ATP9B: variants seen among roughly 807,000 people sequenced by gnomAD.
ATP9B encodes ATPase phospholipid transporting 9B, also known as probable phospholipid-transporting ATPase IIB.
ATP9B carries 110 observed loss-of-function variants against 146.1 expected under a neutral mutation model. That is an observed-to-expected ratio of 0.75 (90% confidence interval 0.65 to 0.88). The LOEUF (loss-of-function observed/expected upper bound fraction) is 0.88. Among genes scored for constraint, ATP9B ranks in the 40% least tolerant of loss-of-function variants. ATP9B has a pLI of 0.00. For synonymous variants in ATP9B, 604 were observed against 569.7 expected (o/e 1.06, Z -0.86); for missense variants, 1,499 against 1,496.4 (o/e 1.00, Z -0.03).
chr18:79,092,679 AAC>A (rs2074440899), intron 1 of ATP9B, among the ~76,000 whole-genome samples: 1 of 150,224 alleles, frequency 6.7e-6, no homozygotes, highest in Admixed American at 6.6e-5. Context: ...CGGAAACAAA[AAC>A]ACACATATTA....
chr18:79,308,318 C>T (rs2096630417), intron 15 of ATP9B, among the ~76,000 whole-genome samples: 1 of 152,060 alleles, frequency 6.6e-6, no homozygotes, highest in Non-Finnish European at 1.5e-5. Context: ...ATGCCCCGCC[C>T]GAGAGACATG....
At chr18:79,320,782 A>G (rs1467083932) in intron 15 of ATP9B, among the ~76,000 whole-genome samples, 2 of 99,238 alleles carry the variant, frequency 2.0e-5, no homozygotes, top group East Asian at 1.7e-3. Flanking sequence ...GGGAGCTTAC[A>G]TACTAGGAAA....
chr18:79,372,570 C>T (rs773175628), intron 26 of ATP9B: 15 of 626,014 alleles, frequency 2.4e-5, no homozygotes, highest in African/African-American at 1.1e-4. Context: ...GCCAACAAGA[C>T]GGCAGGTCAA....
intron 4 of ATP9B, among the ~76,000 whole-genome samples, chr18:79,120,892 C>T (rs904545299): frequency 2.6e-5 from 4 of 152,128 alleles, no homozygotes; most frequent in Non-Finnish European, 4.4e-5. Flanking sequence ...ACTCTTTTCT[C>T]GTGTGCGTGT....
chr18:79,274,568 T>C (rs1359681363), intron 12 of ATP9B, among the ~76,000 whole-genome samples: 1 of 152,192 alleles, frequency 6.6e-6, no homozygotes, highest in African/African-American at 2.4e-5. Flanking sequence ...TGTGGTATTA[T>C]ATGCAACCTG....
chr18:79,138,790 AC>A (rs1047032814), intron 5 of ATP9B, among the ~76,000 whole-genome samples: 3 of 149,714 alleles, frequency 2.0e-5, no homozygotes, highest in African/African-American at 4.9e-5. Flanking sequence ...AAAAAAAAAA[AC>A]CAGTATTGGC....
At position 79,157,791 on chromosome 18, in the gene ATP9B, C is replaced by T. The variant is rs187895608; in HGVS notation, c.778+3236C>T. Reference sequence around the variant, plus strand: ...TTATCTAGGTTATCTAATCTGCGGCCGTGCAGTTGTTTTTAGGATTTCCTT... The same window carrying T: ...TTATCTAGGTTATCTAATCTGCGGCTGTGCAGTTGTTTTTAGGATTTCCTT... On this transcript the variant is annotated intron_variant, in intron 7 of 29. Transcript: ENST00000426216. Among the ~76,000 whole-genome samples the T allele has an allele frequency of 3.5e-4, 54 of 152,240 alleles. No individual in the cohort carries two copies. The East Asian group carries it at 9.5e-3, about 27-fold the overall frequency.
At chr18:79,151,401 T>C (rs2094686509) in intron 6 of ATP9B, among the ~76,000 whole-genome samples, 1 of 152,166 alleles carries the variant, frequency 6.6e-6, no homozygotes, top group South Asian at 2.1e-4. Flanking sequence ...TACCCACCCA[T>C]TTGGGTGTTA....
intron 11 of ATP9B, among the ~76,000 whole-genome samples, chr18:79,246,728 C>G (rs1297669390): frequency 1.3e-5 from 2 of 152,216 alleles, no homozygotes; most frequent in East Asian, 3.9e-4. Context: ...CCGCGCTCCC[C>G]GCGCTCCCTG....
intron 14 of ATP9B, among the ~76,000 whole-genome samples, chr18:79,305,881 T>C (rs1045118522): frequency 6.6e-6 from 1 of 152,236 alleles, no homozygotes; most frequent in Non-Finnish European, 1.5e-5. Flanking sequence ...ACAGATCTTT[T>C]ATAACCTGAT....
intron 12 of ATP9B, among the ~76,000 whole-genome samples, chr18:79,256,761 G>A (rs915070385): frequency 2.0e-5 from 3 of 151,910 alleles, no homozygotes; most frequent in Admixed American, 2.0e-4. Flanking sequence ...CTTTCATTTT[G>A]CTGTCCTGTT....
chr18:79,200,423 A>G (rs569445324), intron 9 of ATP9B, among the ~76,000 whole-genome samples: 28 of 152,366 alleles, frequency 1.8e-4, no homozygotes, highest in Admixed American at 5.2e-4. Context: ...CAGTAAGGAT[A>G]TAGTAGAACA....
At chr18:79,354,648 T>TA (rs112049564) in intron 25 of ATP9B, 37,951 of 140,804 alleles carry the variant, frequency 0.27, 5,650 homozygotes, top group African/African-American at 0.43. Flanking sequence ...GGAGGTGAGG[T>TA]AGATGGGTTC....
At chr18:79,313,922 C>G (rs1450657206) in intron 15 of ATP9B, among the ~76,000 whole-genome samples, 1 of 152,170 alleles carries the variant, frequency 6.6e-6, no homozygotes, top group Non-Finnish European at 1.5e-5. Context: ...TCTATTGATG[C>G]AATGTTTGCA....
chr18:79,364,725 A>C (rs1288393564), intron 26 of ATP9B, among the ~76,000 whole-genome samples: 3 of 152,262 alleles, frequency 2.0e-5, no homozygotes, highest in African/African-American at 7.2e-5. Context: ...ACTTTACCAT[A>C]ATTTAAAAGT....
intron 2 of ATP9B, among the ~76,000 whole-genome samples, chr18:79,109,957 G>T (rs1037520197): frequency 3.3e-5 from 5 of 152,174 alleles, no homozygotes; most frequent in African/African-American, 9.7e-5. Flanking sequence ...CAGAGAATGA[G>T]CCACATCCTG....
At chr18:79,327,575 G>T (rs1360081902) in intron 15 of ATP9B, among the ~76,000 whole-genome samples, 12 of 141,242 alleles carry the variant, frequency 8.5e-5, no homozygotes, top group African/African-American at 3.3e-4. Context: ...CGTGGTTAGC[G>T]TGCTCTCCGT....
At chr18:79,154,423 G>C (rs1220762200) in intron 6 of ATP9B, 81 bp from the exon 7 acceptor site, 17 of 931,968 alleles carry the variant, frequency 1.8e-5, no homozygotes, top group Non-Finnish European at 1.9e-5. Flanking sequence ...TGTTTTCATA[G>C]GTATTTCTTA....
chr18:79,070,109 A>C (rs536794659), intron 1 of ATP9B, among the ~76,000 whole-genome samples: 49 of 152,342 alleles, frequency 3.2e-4, no homozygotes, highest in African/African-American at 1.1e-3. Context: ...TAGTGGGGTC[A>C]CAGGTTAGCA....
Sources: gnomAD v4.1 joint callset for allele counts (sites outside exome capture counted in the v4.1 genomes callset) on GRCh38, gnomAD v4.1.1 for gene constraint, MANE v1.5 for transcripts, NCBI Gene and HGNC (gene_info 2026-07-23, HGNC 2026-07-21) for gene names.